CERKL: variants seen among roughly 807,000 people sequenced by gnomAD.
CERKL encodes ceramide kinase-like protein.
Under a neutral mutation model 63.4 loss-of-function variants are expected in CERKL, and 61 were observed. The ratio of observed to expected loss-of-function variants is 0.96; its 90% confidence interval spans 0.78 to 1.19. CERKL has a LOEUF of 1.19. Ranked by LOEUF, CERKL falls within the 50% of genes most tolerant of loss-of-function variation. CERKL has a pLI of 0.00. For missense variants in CERKL, 675 were observed against 655.5 expected (o/e 1.03, Z -0.33); for synonymous variants, 250 against 230.5 (o/e 1.08, Z -0.77).
intron 3 of CERKL, among the ~76,000 whole-genome samples, chr2:181,572,780 C>CTTTT (rs5836800): frequency 3.8e-5 from 5 of 131,196 alleles, no homozygotes; most frequent in South Asian, 4.7e-4. Context: ...ACAAAACTTG[C>CTTTT]TTTTTTTTTT....
intron 4 of CERKL, chr2:181,565,473 C>A (rs1688623478): frequency 6.2e-7 from 1 of 1,612,132 alleles, no homozygotes. Context: ...AATCTCTGTA[C>A]ACTCCAATGT....
chr2:181,547,306 T>C (rs149016377), intron 10 of CERKL, among the ~76,000 whole-genome samples: 1 of 152,300 alleles, frequency 6.6e-6, no homozygotes, highest in East Asian at 1.9e-4. Flanking sequence ...TCACAAGAAA[T>C]ATCAGTATTT....
intron 1 of CERKL, among the ~76,000 whole-genome samples, chr2:181,628,364 C>T (rs983448368): frequency 3.9e-5 from 6 of 152,108 alleles, no homozygotes; most frequent in Non-Finnish European, 8.8e-5. Flanking sequence ...TTAAAATGGC[C>T]TTGGAATGGA....
intron 2 of CERKL, among the ~76,000 whole-genome samples, chr2:181,579,166 A>G (rs115579642): frequency 0.019 from 2,951 of 152,050 alleles, 117 homozygotes; most frequent in African/African-American, 0.065. Flanking sequence ...GTTAATTGAG[A>G]TAATTAAATG....
chr2:181,639,739 C>T (rs747833829), intron 1 of CERKL, among the ~76,000 whole-genome samples: 2 of 152,144 alleles, frequency 1.3e-5, no homozygotes, highest in South Asian at 4.1e-4. Context: ...ACCCCAGCAA[C>T]TGAAATTACT....
At chr2:181,574,887 T>C (rs746542570) in intron 2 of CERKL, among the ~76,000 whole-genome samples, 34 of 152,206 alleles carry the variant, frequency 2.2e-4, no homozygotes, top group Non-Finnish European at 8.8e-5. Context: ...CAACAGGACA[T>C]ACTGTTTTGA....
chr2:181,636,368 C>T (rs1052479579), intron 1 of CERKL, among the ~76,000 whole-genome samples: 5 of 152,072 alleles, frequency 3.3e-5, no homozygotes, highest in Non-Finnish European at 5.9e-5. Flanking sequence ...GCCATTCTCC[C>T]AGCTTTGCAG....
intron 2 of CERKL, among the ~76,000 whole-genome samples, chr2:181,601,356 T>C (rs192769441): frequency 6.6e-6 from 1 of 152,200 alleles, no homozygotes; most frequent in Non-Finnish European, 1.5e-5. Flanking sequence ...GCTCAGGAGT[T>C]CAAGACCAGC....
intron 5 of CERKL, among the ~76,000 whole-genome samples, chr2:181,552,682 C>T (rs1478043070): frequency 6.6e-6 from 1 of 152,056 alleles, no homozygotes; most frequent in Non-Finnish European, 1.5e-5. Flanking sequence ...TTTAAGTGTT[C>T]TCAATGTAAA....
Position 181,550,214 on chromosome 2 carries a change from T to C in CERKL, c.821-506A>G, listed in dbSNP as rs538604337. The stretch of plus-strand genomic sequence containing the variant: ...TTAATGAATCTTAGAGGTAAGCTCT[T>C]AGCCAAATGAGAATCCCCTCTGTTA... On this transcript the variant is annotated intron_variant, in intron 5 of 12. Coordinates refer to ENST00000410087, the MANE Select transcript of CERKL (RefSeq NM_201548.5). The surrounding 1 kb of genome is among the most constrained non-coding windows in gnomAD (Gnocchi z 4.5). Among the ~76,000 whole-genome samples the C allele has an allele frequency of 1.1e-3, 168 of 152,316 alleles. No individual in the cohort carries two copies. The highest frequency in any genetic ancestry group is 2.1e-3 in the Non-Finnish European group (140 of 68,014).
At chr2:181,555,739 G>A (rs1010252005) in intron 5 of CERKL, among the ~76,000 whole-genome samples, 2 of 149,984 alleles carry the variant, frequency 1.3e-5, no homozygotes, top group Non-Finnish European at 3.0e-5. Context: ...CTATGGGGAT[G>A]GACATTATTA....
chr2:181,594,493 C>T (rs1404932886), intron 2 of CERKL, among the ~76,000 whole-genome samples: 2 of 152,166 alleles, frequency 1.3e-5, no homozygotes, highest in East Asian at 3.8e-4. Flanking sequence ...CTAGCTCTGT[C>T]ACGTAATTAG....
In CERKL at chr2:181,573,836, C is replaced by T; in HGVS notation, c.530G>A (p.Ser177Asn). 1 of 1,612,440 alleles carries T rather than the reference C, an allele frequency of 6.2e-7. No homozygotes were observed. Among genetic ancestry groups the T allele is most frequent in the African/African-American group, 1.3e-5 (1 of 74,894 alleles). Residue 177 changes from serine to asparagine, a missense_variant, in exon 3 of 13, where the codon AGT becomes AAT. Coordinates refer to ENST00000410087, the MANE Select transcript of CERKL (RefSeq NM_201548.5). The stretch of plus-strand genomic sequence containing the variant: ...AACCTGGGTAGCTTCTTTTTTGTGA[C>T]TTTGGGGGTTAAGGAGTATTTTTAA... Reference protein sequence around the residue: ...KSLKILLNPQSHKKEATQVYY... With the variant: ...KSLKILLNPQNHKKEATQVYY...
chr2:181,548,719 C>T lies in CERKL; in HGVS notation c.1034G>A (p.Arg345Gln), dbSNP rs727503856. Reference sequence around the variant, plus strand: ...TGCCTTAACAACAGCAAAATCTCTCCGTTGGTTAGGGGACATCCATCGATA... The same window carrying T: ...TGCCTTAACAACAGCAAAATCTCTCTGTTGGTTAGGGGACATCCATCGATA... ...EKYRWMSPNQ[R>Q]RDFAVVKALA... Residue 345 changes from arginine to glutamine, a missense_variant, in exon 7 of 13, where the codon CGG becomes CAG. By Grantham distance (43) the Arg-to-Gln change is conservative. Transcript: ENST00000410087. The T allele has an allele frequency of 5.0e-6, 8 of 1,613,872 alleles. No individual in the cohort carries two copies. The highest frequency in any genetic ancestry group is 2.2e-5 in the East Asian group (1 of 44,868).
intron 1 of CERKL, among the ~76,000 whole-genome samples, chr2:181,611,856 TATAA>T (rs1205162089): frequency 1.3e-5 from 2 of 152,392 alleles, no homozygotes; most frequent in East Asian, 1.9e-4. Flanking sequence ...AGTTTGCTTA[TATAA>T]ATGTCTAATT....
chr2:181,651,259 G>T (rs989425507), intron 1 of CERKL, among the ~76,000 whole-genome samples: 3 of 152,114 alleles, frequency 2.0e-5, no homozygotes, highest in African/African-American at 4.8e-5. Flanking sequence ...ATGAACATAG[G>T]TGCAAAAATT....
intron 5 of CERKL, among the ~76,000 whole-genome samples, chr2:181,555,106 C>G (rs1403144178): frequency 6.6e-6 from 1 of 152,116 alleles, no homozygotes; most frequent in Non-Finnish European, 1.5e-5. Flanking sequence ...TTTATAAAAT[C>G]TGAATTACAT....
chr2:181,543,625 G>A (rs1224290900), intron 11 of CERKL, among the ~76,000 whole-genome samples: 2 of 152,142 alleles, frequency 1.3e-5, no homozygotes, highest in African/African-American at 4.8e-5. Flanking sequence ...GTCATTGGCT[G>A]GGTTTACTCT....
At chr2:181,619,750 T>C (rs962058293) in intron 1 of CERKL, among the ~76,000 whole-genome samples, 1 of 152,146 alleles carries the variant, frequency 6.6e-6, no homozygotes, top group African/African-American at 2.4e-5. Flanking sequence ...ATAACCTTCA[T>C]TTCTCAGTCC....
Sources: allele counts gnomAD v4.1 joint callset (sites outside exome capture counted in the v4.1 genomes callset), GRCh38; gene constraint gnomAD v4.1.1; non-coding constraint Gnocchi (gnomAD v3.1); transcripts MANE v1.5; gene names NCBI Gene and HGNC (gene_info 2026-07-23, HGNC 2026-07-21).